The following SENP6 variants were observed in gnomAD, a reference collection of about 807,000 sequenced individuals.
SENP6 encodes sentrin-specific protease 6.
A neutral mutation model predicts 134.5 loss-of-function variants in SENP6; 41 were observed. The observed-to-expected ratio is 0.30, with a 90% CI of 0.24 to 0.40. The LOEUF (loss-of-function observed/expected upper bound fraction) is 0.40. SENP6 is among the 10% of genes least tolerant of loss of function. The pLI is 1.00. For synonymous variants in SENP6, 395 were observed against 429.8 expected, an observed-to-expected ratio of 0.92 and a Z score of 1.00; for missense variants, 1,248 against 1,312.5, an observed-to-expected ratio of 0.95 and a Z score of 0.76.
At chr6:75,633,769 A>G in intron 4 of SENP6, 43 bp downstream of exon 4, 1 of 1,535,966 alleles carries the variant, frequency 6.5e-7, no homozygotes, top group East Asian at 2.3e-5. Flanking sequence ...AAGATAAAGG[A>G]AGAGTTTGAC....
chr6:75,683,548 T>C (rs913060927), intron 16 of SENP6, among the ~76,000 whole-genome samples: 10 of 152,228 alleles, frequency 6.6e-5, no homozygotes, highest in African/African-American at 1.9e-4. Flanking sequence ...TTTAAGTCTT[T>C]AATCCATCTT....
intron 7 of SENP6, among the ~76,000 whole-genome samples, chr6:75,651,296 C>T (rs975501250): frequency 6.6e-6 from 1 of 152,060 alleles, no homozygotes; most frequent in African/African-American, 2.4e-5. Context: ...CATGTAATTA[C>T]ATTATGTAAT....
chr6:75,618,873 G>A (rs1473695722), intron 1 of SENP6, among the ~76,000 whole-genome samples: 1 of 151,344 alleles, frequency 6.6e-6, no homozygotes, highest in African/African-American at 2.4e-5. Flanking sequence ...ATGTTAGGAA[G>A]TTTCATGTAT....
At chr6:75,685,046 T>C (rs1195913547) in intron 16 of SENP6, among the ~76,000 whole-genome samples, 1 of 152,204 alleles carries the variant, frequency 6.6e-6, no homozygotes, top group Non-Finnish European at 1.5e-5. Context: ...TTTTGGTTGG[T>C]AGGCTATTAA....
chr6:75,686,777 G>A (rs1773871817), intron 16 of SENP6, among the ~76,000 whole-genome samples: 1 of 152,230 alleles, frequency 6.6e-6, no homozygotes, highest in Non-Finnish European at 1.5e-5. Context: ...CTGTTAGTCT[G>A]ATGGGCTTCC....
intron 16 of SENP6, among the ~76,000 whole-genome samples, chr6:75,686,729 C>A (rs185626873): frequency 1.6e-3 from 239 of 152,314 alleles, no homozygotes; most frequent in African/African-American, 5.4e-3. Context: ...TTGGCCCCCA[C>A]TCTCTTCTGG....
rs573508225 is a variant in SENP6 at position 75,664,023 on chromosome 6, G to A, written c.994+505G>A. On this transcript the variant is annotated intron_variant, in intron 9 of 23. Coordinates refer to ENST00000447266, the MANE Select transcript of SENP6 (RefSeq NM_015571.4). The stretch of plus-strand genomic sequence containing the variant: ...GGACTGGTTGACTAGAGTATACAGC[G>A]TGTATACTCTAAAGGAGTGAAAGAT... 1.3e-4 allele frequency among the ~76,000 whole-genome samples: 20 copies of A among 152,080 alleles called. No homozygotes were observed. In the South Asian group the frequency reaches 3.7e-3, roughly 28 times the overall value.
At chr6:75,626,216 T>G in intron 3 of SENP6, among the ~76,000 whole-genome samples, 1 of 152,010 alleles carries the variant, frequency 6.6e-6, no homozygotes, top group Non-Finnish European at 1.5e-5. Flanking sequence ...GTAAATTTTT[T>G]GGATGGTTTC....
chr6:75,715,192 A>G (rs542909315), intron 23 of SENP6, among the ~76,000 whole-genome samples, 193 bp from the exon 24 acceptor site: 16 of 152,282 alleles, frequency 1.1e-4, no homozygotes, highest in African/African-American at 3.6e-4. Flanking sequence ...GATCTAGACT[A>G]TAAGATCTAT....
At chr6:75,672,734 A>G (rs1772770564) in intron 11 of SENP6, among the ~76,000 whole-genome samples, 1 of 152,204 alleles carries the variant, frequency 6.6e-6, no homozygotes, top group Non-Finnish European at 1.5e-5. Flanking sequence ...TACTATGTTT[A>G]ATGTTTTATA....
chr6:75,685,568 A>C (rs1318085681), intron 16 of SENP6, among the ~76,000 whole-genome samples: 1 of 152,024 alleles, frequency 6.6e-6, no homozygotes, highest in African/African-American at 2.4e-5. Flanking sequence ...AAGGTGATTT[A>C]AATGTGTCCA....
In SENP6 at chr6:75,703,086, T is replaced by C; in HGVS notation, c.2716+14T>C. Reference sequence around the variant, plus strand: ...CACATCATACAGGTATGTATCTAAATGTTTTGAAAGAATGAAAAAATTCAG... The same window carrying C: ...CACATCATACAGGTATGTATCTAAACGTTTTGAAAGAATGAAAAAATTCAG... On this transcript the variant is annotated intron_variant, in intron 19 of 23. Transcript: ENST00000447266. 6.5e-7 allele frequency: 1 copy of C among 1,535,500 alleles called. No individual in the cohort carries two copies. Among genetic ancestry groups the C allele is most frequent in the Non-Finnish European group, 8.8e-7 (1 of 1,138,650 alleles).
intron 16 of SENP6, among the ~76,000 whole-genome samples, chr6:75,682,873 C>T (rs935771316): frequency 1.3e-5 from 2 of 152,136 alleles, no homozygotes; most frequent in Non-Finnish European, 2.9e-5. Flanking sequence ...CATACATGTG[C>T]ATGTGTCTTT....
At chr6:75,656,208 C>A (rs529184356) in intron 7 of SENP6, among the ~76,000 whole-genome samples, 1 of 57,236 alleles carries the variant, frequency 1.7e-5, no homozygotes. Flanking sequence ...AGCAAGACTC[C>A]GTCTCAAAAA....
chr6:75,677,774 G>A (rs998100882), intron 14 of SENP6: 2 of 152,876 alleles, frequency 1.3e-5, no homozygotes, highest in Non-Finnish European at 2.9e-5. Flanking sequence ...GCCACCTGAA[G>A]CAAAGGCCAC....
At chr6:75,706,016 A>G (rs956299214) in intron 19 of SENP6, among the ~76,000 whole-genome samples, 6 of 134,832 alleles carry the variant, frequency 4.4e-5, no homozygotes, top group African/African-American at 1.4e-4. Context: ...GTCTCACTGC[A>G]ACCTCCCCCT....
Position 75,690,843 on chromosome 6 carries a change from T to C in SENP6, c.2076-4961T>C, listed in dbSNP as rs548786132. On this transcript the variant is annotated intron_variant, in intron 16 of 23. Transcript: ENST00000447266. ...CCTGAGTAGCTGGGACTACAGGCGC[T>C]CACCACCACACCTGGCTAATTGTTT... Among the ~76,000 whole-genome samples, 262 of 150,938 alleles carry C rather than the reference T, an allele frequency of 1.7e-3. 1 individual carries two copies. The highest frequency in any genetic ancestry group is 0.011 in the East Asian group (56 of 5,068).
chr6:75,706,499 C>T lies in SENP6; in HGVS notation c.2717-3028C>T, dbSNP rs558759061. 4.6e-5 allele frequency among the ~76,000 whole-genome samples: 7 copies of T among 152,188 alleles called. No individual in the cohort carries two copies. The East Asian group carries it at 9.7e-4, about 21-fold the overall frequency. ...ACAAACTCCAGAGATTTCTAGTGCC[C>T]TCACCTACAAATTAATTTTCTGGTC... is the stretch of plus-strand genomic sequence containing the variant. On this transcript the variant is annotated intron_variant, in intron 19 of 23. Coordinates refer to ENST00000447266, the MANE Select transcript of SENP6 (RefSeq NM_015571.4).
At chr6:75,642,843 G>C in intron 6 of SENP6, among the ~76,000 whole-genome samples, 1 of 152,130 alleles carries the variant, frequency 6.6e-6, no homozygotes, top group Non-Finnish European at 1.5e-5. Context: ...GTGTTACAAA[G>C]GAAAATCAGT....
Sources: gnomAD v4.1 joint callset for allele counts (sites outside exome capture counted in the v4.1 genomes callset) on GRCh38, gnomAD v4.1.1 for gene constraint, MANE v1.5 for transcripts, NCBI Gene and HGNC (gene_info 2026-07-23, HGNC 2026-07-21) for gene names.